DHX33: variants seen among roughly 807,000 people sequenced by gnomAD.
The protein encoded by DHX33 is DEAH-box helicase 33.
Under a neutral mutation model 72.5 loss-of-function variants are expected in DHX33, and 42 were observed. The observed-to-expected ratio is 0.58, with a 90% confidence interval of 0.45 to 0.75. DHX33 has a LOEUF of 0.75. Ranked by LOEUF, DHX33 falls within the 30% of genes least tolerant of loss-of-function variation. The pLI is 0.00. For synonymous variants in DHX33, 358 were observed against 366.1 expected (o/e 0.98, Z 0.25); for missense variants, 842 against 917.5 (o/e 0.92, Z 1.06).
Position 5,443,891 on chromosome 17 carries a change from C to A in DHX33, c.*314G>T. ...ATTCCTTTTCTCTAAACTTTATGAA[C>A]CCAATTTTATAAGGATTATTATTAT... On this transcript the variant is annotated 3_prime_UTR_variant, in exon 12 of 12. Coordinates refer to ENST00000225296, the MANE Select transcript of DHX33 (RefSeq NM_020162.4). The A allele has an allele frequency of 3.5e-6, 1 of 289,772 alleles. No homozygotes were observed. Among genetic ancestry groups the A allele is most frequent in the Non-Finnish European group, 6.5e-6 (1 of 154,610 alleles). 18.0% of individuals were successfully genotyped at this position (289,772 alleles called of 1,614,324 possible).
chr17:5,441,029 A>T lies in DHX33; in HGVS notation c.*3176T>A, dbSNP rs1045740981. 1 of 152,198 alleles carries T rather than the reference A, an allele frequency of 6.6e-6. No homozygotes were observed. The highest frequency in any genetic ancestry group is 2.4e-5 in the African/African-American group (1 of 41,454). The allele number at this position is 152,198 out of a possible 1,614,324, so 9.4% of individuals were successfully genotyped here. On this transcript the variant is annotated 3_prime_UTR_variant, in exon 12 of 12. Coordinates refer to ENST00000225296, the MANE Select transcript of DHX33 (RefSeq NM_020162.4). Reference sequence around the variant, plus strand: ...AATAAAACCAGACTCTCAAAATACAACATAAGCCTGAACCTACTTGATTTT... The same window carrying T: ...AATAAAACCAGACTCTCAAAATACATCATAAGCCTGAACCTACTTGATTTT...
intron 11 of DHX33, among the ~76,000 whole-genome samples, chr17:5,448,270 T>A (rs1051342557): frequency 3.3e-5 from 5 of 152,170 alleles, no homozygotes; most frequent in Non-Finnish European, 7.3e-5. Flanking sequence ...ATGTACCTCA[T>A]ATGCACGTAT....
rs1597364282 is a variant in DHX33 at position 5,462,681 on chromosome 17, C to T, written c.451-135G>A. Reference sequence around the variant, plus strand: ...GCTTCCCACTCCCTTGGGAAGCATGCAGTCTAGCTGCTGAGAGAGACAATG... The same window carrying T: ...GCTTCCCACTCCCTTGGGAAGCATGTAGTCTAGCTGCTGAGAGAGACAATG... On this transcript the variant is annotated intron_variant, in intron 2 of 11. Transcript: ENST00000225296. 1.7e-5 allele frequency: 11 copies of T among 655,628 alleles called. No homozygotes were observed. In the East Asian group the frequency reaches 2.1e-4, roughly 12 times the overall value. 40.6% of individuals were successfully genotyped at this position (655,628 alleles called of 1,614,324 possible).
chr17:5,466,338 C>G (rs1443848875), intron 1 of DHX33, among the ~76,000 whole-genome samples: 1 of 152,212 alleles, frequency 6.6e-6, no homozygotes, highest in African/African-American at 2.4e-5. Context: ...AAATGCATTT[C>G]CAACTTAGGA....
Position 5,455,996 on chromosome 17 carries a change from C to A in DHX33, c.1035+1G>T, listed in dbSNP as rs1166135152. 6.2e-7 allele frequency: 1 copy of A among 1,611,512 alleles called. No individual in the cohort carries two copies. The highest frequency in any genetic ancestry group is 1.7e-5 in the Admixed American group (1 of 59,874). ...CTGGACAGAAGAGGTGGTGCACTCA[C>A]CTTTGGGGCCCCTTGGAAGACTCGG... On this transcript the variant is annotated splice_donor_variant, in intron 5 of 11. Coordinates refer to ENST00000225296, the MANE Select transcript of DHX33 (RefSeq NM_020162.4). LOFTEE classifies it high-confidence loss of function.
At chr17:5,462,278 G>A in intron 3 of DHX33, 41 bp downstream of exon 3, 3 of 1,579,766 alleles carry the variant, frequency 1.9e-6, no homozygotes, top group Non-Finnish European at 1.7e-6. Context: ...TACTTTCAGG[G>A]GAAGTTTCCC....
At position 5,443,559 on chromosome 17, in the gene DHX33, A is replaced by G. The variant is rs1916514153; in HGVS notation, c.*646T>C. 2 of 152,276 alleles carry G rather than the reference A, an allele frequency of 1.3e-5. No homozygotes were observed. The highest frequency in any genetic ancestry group is 6.5e-5 in the Admixed American group (1 of 15,278). The allele number at this position is 152,276 out of a possible 1,614,324, so 9.4% of individuals were successfully genotyped here. ...ACAGAGTGGTCCACCCTGAGACACA[A>G]GCGTTCAGTAGGGATCGCCATCCCA... On this transcript the variant is annotated 3_prime_UTR_variant, in exon 12 of 12. Coordinates refer to ENST00000225296, the MANE Select transcript of DHX33 (RefSeq NM_020162.4).
At chr17:5,449,432 T>C (rs537009478) in intron 10 of DHX33, among the ~76,000 whole-genome samples, 1 of 152,278 alleles carries the variant, frequency 6.6e-6, no homozygotes, top group East Asian at 1.9e-4. Flanking sequence ...GTAAGACTTC[T>C]TTCTTTTTTC....
At chr17:5,452,769 C>T (rs1916999978) in intron 8 of DHX33, among the ~76,000 whole-genome samples, 1 of 152,128 alleles carries the variant, frequency 6.6e-6, no homozygotes, top group South Asian at 2.1e-4. Context: ...TACATATACT[C>T]ATATATGCAT....
intron 2 of DHX33, among the ~76,000 whole-genome samples, 178 bp from the exon 3 acceptor site, chr17:5,462,724 C>G (rs1040882740): frequency 2.0e-5 from 3 of 152,118 alleles, no homozygotes; most frequent in African/African-American, 7.2e-5. Context: ...TTACTTTAAC[C>G]GCAATTAATG....
chr17:5,448,723 A>T, intron 11 of DHX33, 86 bp downstream of exon 11: 1 of 922,632 alleles, frequency 1.1e-6, no homozygotes, highest in Non-Finnish European at 1.6e-6. Context: ...TCCTTTTATA[A>T]TCACTAGCAA....
intron 8 of DHX33, among the ~76,000 whole-genome samples, 193 bp downstream of exon 8, chr17:5,453,387 C>G (rs1478627088): frequency 1.3e-5 from 2 of 152,180 alleles, no homozygotes; most frequent in East Asian, 3.9e-4. Context: ...GAGACCCTGT[C>G]TCTTTAAAAG....
rs766077538 is a variant in DHX33 at position 5,463,597 on chromosome 17, G to A, written c.382C>T (p.Arg128Cys). 7.4e-6 allele frequency: 12 copies of A among 1,614,032 alleles called. No individual in the cohort carries two copies. The highest frequency in any genetic ancestry group is 1.3e-5 in the African/African-American group (1 of 74,986). The change falls in exon 2 of 12, where the codon CGT becomes TGT. Residue 128 changes from arginine to cysteine, a missense_variant. Physicochemically the swap from Arg to Cys is radical, Grantham distance 180. Transcript: ENST00000225296. ...RQGIIAVTQP[R>C]RVAAISLATR... ...GCAAGAGAGATGGCAGCTACTCGAC[G>A]AGGCTGGGTCACAGCAATGATGCCC...
intron 9 of DHX33, 84 bp downstream of exon 9, chr17:5,450,723 C>T: frequency 1.3e-6 from 2 of 1,565,514 alleles, no homozygotes; most frequent in Non-Finnish European, 8.7e-7. Flanking sequence ...TGAGATTAAT[C>T]TAGAAGCACT....
rs867385738 is a variant in DHX33 at position 5,450,358 on chromosome 17, T to C, written c.1573A>G (p.Ile525Val). The C allele has an allele frequency of 2.2e-5, 35 of 1,613,986 alleles. No individual in the cohort carries two copies. In the Admixed American group the frequency reaches 5.3e-4, roughly 25 times the overall value. ...CTGTCCACAGACAGCAGGGAGACAA[T>C]GGTCAGGATCTCCTCTGTACAGTGG... ...KFHCTEEILT[I>V]VSLLSVDSVL... Residue 525 changes from isoleucine to valine, a missense_variant, in exon 10 of 12, where the codon ATT becomes GTT. Physicochemically the swap from Ile to Val is conservative, Grantham distance 29 (BLOSUM62 3). Coordinates refer to ENST00000225296, the MANE Select transcript of DHX33 (RefSeq NM_020162.4).
In DHX33 at chr17:5,455,996, C is replaced by T; in HGVS notation, c.1035+1G>A. 1 of 1,611,512 alleles carries T rather than the reference C, an allele frequency of 6.2e-7. No homozygotes were observed. The highest frequency in any genetic ancestry group is 1.1e-5 in the South Asian group (1 of 90,890). The stretch of plus-strand genomic sequence containing the variant: ...CTGGACAGAAGAGGTGGTGCACTCA[C>T]CTTTGGGGCCCCTTGGAAGACTCGG... On this transcript the variant is annotated splice_donor_variant, in intron 5 of 11. Coordinates refer to ENST00000225296, the MANE Select transcript of DHX33 (RefSeq NM_020162.4). LOFTEE classifies it high-confidence loss of function.
At chr17:5,463,400 C>T in intron 2 of DHX33, 129 bp downstream of exon 2, 1 of 990,252 alleles carries the variant, frequency 1.0e-6, no homozygotes, top group Non-Finnish European at 1.5e-6. Flanking sequence ...GTAAAGAACT[C>T]TCGGAAGAAT....
intron 4 of DHX33, among the ~76,000 whole-genome samples, chr17:5,458,050 G>T (rs962049527): frequency 1.8e-4 from 27 of 152,164 alleles, no homozygotes; most frequent in African/African-American, 6.0e-4. Context: ...TGTTGTGGGA[G>T]AGTGAAAACT....
chr17:5,456,121 A>G lies in DHX33; in HGVS notation c.911T>C (p.Met304Thr), dbSNP rs1917181421. 6.2e-7 allele frequency: 1 copy of G among 1,614,004 alleles called. No homozygotes were observed. The highest frequency in any genetic ancestry group is 1.1e-5 in the South Asian group (1 of 91,094). ...FLTGQEEIEA[M>T]SKTCRDIAKH... ...TGCAATGTCTCGGCACGTCTTGCTCATGGCTTCGATCTCCTCCTGCCCAGT... is the reference window on the plus strand; with the variant it reads ...TGCAATGTCTCGGCACGTCTTGCTCGTGGCTTCGATCTCCTCCTGCCCAGT... Residue 304 changes from methionine (M) to threonine (T), a missense_variant, in exon 5 of 12, where the codon ATG becomes ACG. Physicochemically the swap from Met to Thr is moderately conservative, Grantham distance 81. Coordinates refer to ENST00000225296, the MANE Select transcript of DHX33 (RefSeq NM_020162.4).
Sources: gnomAD v4.1 joint callset for allele counts (sites outside exome capture counted in the v4.1 genomes callset) on GRCh38, gnomAD v4.1.1 for gene constraint, MANE v1.5 for transcripts, NCBI Gene and HGNC (gene_info 2026-07-23, HGNC 2026-07-21) for gene names.